The following ADAMTSL1 variants were observed in gnomAD, a reference collection of about 807,000 sequenced individuals.
ADAMTSL1 encodes the protein ADAMTS-like protein 1.
In ADAMTSL1, 126 loss-of-function variants were observed where a neutral mutation model predicts 201.8. The ratio of observed to expected loss-of-function variants is 0.62; its 90% confidence interval spans 0.54 to 0.72. The LOEUF (loss-of-function observed/expected upper bound fraction) is 0.72, where lower values mean the gene tolerates loss of function less well. Ranked by LOEUF, ADAMTSL1 falls within the 30% of genes least tolerant of loss-of-function variation. ADAMTSL1 has a pLI of 0.00. For missense variants in ADAMTSL1, 2,679 were observed against 2,277.8 expected (o/e 1.18, Z -3.59); for synonymous variants, 1,121 against 903.4 (o/e 1.24, Z -4.32).
Position 18,213,022 on chromosome 9 carries a change from G to A in ADAMTSL1, c.207+49041G>A, listed in dbSNP as rs544483379. Among the ~76,000 whole-genome samples, 33 of 152,300 alleles carry A rather than the reference G, an allele frequency of 2.2e-4. 1 individual carries two copies. The highest frequency in any genetic ancestry group is 7.5e-4 in the African/African-American group (31 of 41,566). ...GGAACTTCTATCTTTAGCCGTTAGT[G>A]TATTGAACATCAACTCAGCCTGACT... On this transcript the variant is annotated intron_variant, in intron 2 of 29. Transcript: ENST00000680146.
Position 18,777,680 on chromosome 9 carries a change from G to T in ADAMTSL1, c.3451G>T (p.Gly1151Trp). ...FSSSLRTSSTGDAGGGSRRPH... is the reference protein window; with the variant it reads ...FSSSLRTSSTWDAGGGSRRPH... ...CAGCTCCCTGCGGACCTCCTCCACCGGGGACGCCGGGGGAGGCTCTCGAAG... is the reference window on the plus strand; with the variant it reads ...CAGCTCCCTGCGGACCTCCTCCACCTGGGACGCCGGGGGAGGCTCTCGAAG... Residue 1151 changes from glycine (G) to tryptophan (W), a missense_variant, in exon 19 of 29, where the codon GGG becomes TGG. Gly to Trp is a radical substitution (Grantham distance 184). Coordinates refer to ENST00000380548, the MANE Select transcript of ADAMTSL1 (RefSeq NM_001040272.6). 6.2e-7 allele frequency: 1 copy of T among 1,613,172 alleles called. No homozygotes were observed. The highest frequency in any genetic ancestry group is 1.1e-5 in the South Asian group (1 of 91,016).
rs72686869 is a variant in ADAMTSL1 at position 18,342,184 on chromosome 9, G to A, written c.208-162645G>A. 5.8e-3 allele frequency among the ~76,000 whole-genome samples: 881 copies of A among 152,150 alleles called. 5 individuals are homozygous for A. Among genetic ancestry groups the A allele is most frequent in the Non-Finnish European group, 7.0e-3 (477 of 67,996 alleles). On this transcript the variant is annotated intron_variant, in intron 2 of 29. Coordinates refer to the ADAMTSL1 transcript ENST00000680146. ...TATACGTGGGGCTAGTCCCTGATTC[G>A]TAGAAAAGATATGGCTCAGGCCCAG...
intron 2 of ADAMTSL1, among the ~76,000 whole-genome samples, chr9:18,184,246 T>C (rs549134396): frequency 6.6e-6 from 1 of 152,290 alleles, no homozygotes; most frequent in South Asian, 2.1e-4. Context: ...CTAAATACTT[T>C]ACCTATAACC....
intron 2 of ADAMTSL1, among the ~76,000 whole-genome samples, chr9:18,188,746 T>A (rs984480170): frequency 2.0e-5 from 3 of 152,196 alleles, no homozygotes; most frequent in Non-Finnish European, 4.4e-5. Flanking sequence ...TTTGTACATA[T>A]TCTTTATGGT....
chr9:18,650,895 T>G (rs777355738), intron 7 of ADAMTSL1, among the ~76,000 whole-genome samples: 11 of 152,196 alleles, frequency 7.2e-5, no homozygotes, highest in Admixed American at 2.0e-4. Context: ...TTTTATGGAA[T>G]GGTAATAAAA....
At chr9:18,441,553 A>G (rs1819996003) in intron 2 of ADAMTSL1, among the ~76,000 whole-genome samples, 1 of 152,196 alleles carries the variant, frequency 6.6e-6, no homozygotes, top group African/African-American at 2.4e-5. Flanking sequence ...TTCACCCTGG[A>G]CTGCCACGGG....
intron 1 of ADAMTSL1, among the ~76,000 whole-genome samples, chr9:18,154,941 A>G (rs574013106): frequency 8.5e-5 from 13 of 152,120 alleles, no homozygotes; most frequent in East Asian, 1.9e-4. Context: ...GATTTTGTGT[A>G]TTTACATTTT....
upstream of ADAMTSL1, chr9:18,473,918 C>T (rs980695741): frequency 1.1e-5 from 4 of 372,972 alleles, no homozygotes; most frequent in Admixed American, 4.5e-5. Context: ...CTGCTGCTCG[C>T]TCGCCTTTCT....
chr9:18,142,327 G>C (rs1826436556), intron 1 of ADAMTSL1, among the ~76,000 whole-genome samples: 1 of 152,178 alleles, frequency 6.6e-6, no homozygotes, highest in Non-Finnish European at 1.5e-5. Flanking sequence ...CAAGGTTCTT[G>C]CTGTCTTTGT....
intron 2 of ADAMTSL1, among the ~76,000 whole-genome samples, chr9:18,249,222 A>G (rs1423269808): frequency 6.6e-6 from 1 of 152,228 alleles, no homozygotes; most frequent in African/African-American, 2.4e-5. Context: ...ATGATGGAGT[A>G]TAGGTAGGAT....
chr9:18,474,308 T>C lies in ADAMTSL1; in HGVS notation c.63+13T>C. On this transcript the variant is annotated intron_variant, in intron 1 of 28. Transcript: ENST00000380548. ...TTTCCTGCTCCTGGTAAATGCCTTT[T>C]CATTTCAATGCATTGCTATTGCCAT... 6.2e-7 allele frequency: 1 copy of C among 1,614,058 alleles called. No homozygotes were observed. Among genetic ancestry groups the C allele is most frequent in the South Asian group, 1.1e-5 (1 of 91,084 alleles).
chr9:18,898,389 C>T (rs111432686), intron 26 of ADAMTSL1, among the ~76,000 whole-genome samples: 4,328 of 152,192 alleles, frequency 0.028, 123 homozygotes, highest in South Asian at 0.13. Context: ...GTATCAATAG[C>T]GGAATAGACC....
intron 2 of ADAMTSL1, among the ~76,000 whole-genome samples, chr9:18,291,702 CTCTCTCTCTCTCTT>C (rs60923987): frequency 0.01 from 1,383 of 136,620 alleles, 18 homozygotes; most frequent in African/African-American, 0.038. Context: ...CACATGCTCT[CTCTCTCTCTCTCTT>C]TCTCTCTCTC....
intron 4 of ADAMTSL1, among the ~76,000 whole-genome samples, chr9:18,599,683 G>T (rs1026646521): frequency 4.6e-5 from 7 of 151,062 alleles, no homozygotes; most frequent in Admixed American, 1.3e-4. Context: ...AACTAGCAAT[G>T]CTCCAGCCAG....
In ADAMTSL1 at chr9:18,409,424, A is replaced by G. The variant is rs111511615; in HGVS notation, c.208-95405A>G. ...AAAAAAGAAAAAGAAAAGAAAAAGA[A>G]AACTGACATCCAAAGAAATGAGGGA... On this transcript the variant is annotated intron_variant, in intron 2 of 29. Transcript: ENST00000680146. Among the ~76,000 whole-genome samples the G allele has an allele frequency of 3.3e-3, 493 of 151,464 alleles. 1 individual carries two copies. The highest frequency in any genetic ancestry group is 0.011 in the African/African-American group (472 of 41,420).
intron 2 of ADAMTSL1, among the ~76,000 whole-genome samples, chr9:18,532,054 TAAAACTACTAG>T (rs1295578492): frequency 6.6e-6 from 1 of 152,226 alleles, no homozygotes; most frequent in Non-Finnish European, 1.5e-5. Flanking sequence ...CCTGGAATTC[TAAAACTACTAG>T]GTATTAGTAT....
chr9:18,520,200 A>C lies in ADAMTSL1; in HGVS notation c.192-13047A>C, dbSNP rs189429495. Among the ~76,000 whole-genome samples, 11 of 152,362 alleles carry C rather than the reference A, an allele frequency of 7.2e-5. No homozygotes were observed. In the East Asian group the frequency reaches 1.9e-3, roughly 27 times the overall value. On this transcript the variant is annotated intron_variant, in intron 2 of 28. Coordinates refer to ENST00000380548, the MANE Select transcript of ADAMTSL1 (RefSeq NM_001040272.6). ...TTGCAGCCTCCTAACTGTTGCTCAAAAATCTGTAAAAGTGCAGAGGTGCTT... is the reference window on the plus strand; with the variant it reads ...TTGCAGCCTCCTAACTGTTGCTCAACAATCTGTAAAAGTGCAGAGGTGCTT...
chr9:18,157,424 G>A (rs865775559), intron 1 of ADAMTSL1, among the ~76,000 whole-genome samples: 2 of 151,976 alleles, frequency 1.3e-5, no homozygotes, highest in African/African-American at 2.4e-5. Flanking sequence ...CCCCATAAAG[G>A]CTATTTTGCT....
chr9:17,925,230 A>G (rs1221704197), intron 1 of ADAMTSL1, among the ~76,000 whole-genome samples: 1 of 119,876 alleles, frequency 8.3e-6, no homozygotes, highest in Non-Finnish European at 1.8e-5. Context: ...GATGTGGAGA[A>G]ATAGGAACAC....
Sources: gnomAD v4.1 joint callset for allele counts (sites outside exome capture counted in the v4.1 genomes callset) on GRCh38, gnomAD v4.1.1 for gene constraint, MANE v1.5 for transcripts, NCBI Gene and HGNC (gene_info 2026-07-23, HGNC 2026-07-21) for gene names.